DPP10: variants seen among roughly 807,000 people sequenced by gnomAD.
DPP10 encodes dipeptidyl peptidase like 10, also known as inactive dipeptidyl peptidase 10.
In DPP10, 33 loss-of-function variants were observed where a neutral mutation model predicts 120.9. The observed-to-expected ratio is 0.27, with a 90% CI of 0.21 to 0.37. The LOEUF (loss-of-function observed/expected upper bound fraction) is 0.37. DPP10 is among the 10% of genes least tolerant of loss of function. DPP10 has a pLI of 1.00. For synonymous variants in DPP10, 337 were observed against 326.1 expected (o/e 1.03, Z -0.36); for missense variants, 816 against 942.8 (o/e 0.87, Z 1.76).
rs17044182 is a variant in DPP10 at position 115,208,021 on chromosome 2, C to T, written c.61-101218C>T. Among the ~76,000 whole-genome samples, 760 of 152,046 alleles carry T rather than the reference C, an allele frequency of 5.0e-3. 5 individuals are homozygous for T. The highest frequency in any genetic ancestry group is 0.017 in the African/African-American group (685 of 41,492). ...CGATGTACAGATATTAGATAGAGGA[C>T]GATAGCATTTTAGAGCTGGAAAATC... On this transcript the variant is annotated intron_variant, in intron 1 of 25. Coordinates refer to ENST00000410059, the MANE Select transcript of DPP10 (RefSeq NM_020868.6).
At chr2:115,021,572 T>C (rs1703075898) in intron 1 of DPP10, among the ~76,000 whole-genome samples, 1 of 152,092 alleles carries the variant, frequency 6.6e-6, no homozygotes, top group African/African-American at 2.4e-5. Context: ...ACAGCTGAAT[T>C]GTATCAGACT....
At chr2:114,560,157 A>G (rs1333490024) in intron 1 of DPP10, among the ~76,000 whole-genome samples, 2 of 152,186 alleles carry the variant, frequency 1.3e-5, no homozygotes, top group Non-Finnish European at 2.9e-5. Flanking sequence ...TGTCTAATCC[A>G]TATTGTGACT....
intron 1 of DPP10, among the ~76,000 whole-genome samples, chr2:114,930,731 G>A (rs1367731434): frequency 6.6e-6 from 1 of 152,200 alleles, no homozygotes; most frequent in Non-Finnish European, 1.5e-5. Context: ...AGTGGAATCT[G>A]CTTCTGACGA....
chr2:115,542,206 G>A (rs1443904372), intron 5 of DPP10, among the ~76,000 whole-genome samples: 1 of 151,822 alleles, frequency 6.6e-6, no homozygotes, highest in Non-Finnish European at 1.5e-5. Flanking sequence ...TCACCACAAC[G>A]AAAATCTCTT....
chr2:115,522,709 A>G (rs2077888784), intron 4 of DPP10, among the ~76,000 whole-genome samples: 1 of 152,172 alleles, frequency 6.6e-6, no homozygotes, highest in African/African-American at 2.4e-5. Context: ...CTGGACAGGC[A>G]GGCATCATTG....
At chr2:115,499,394 G>A (rs1308116455) in intron 3 of DPP10, 116 bp from the exon 4 acceptor site, 3 of 773,516 alleles carry the variant, frequency 3.9e-6, no homozygotes, top group Non-Finnish European at 6.1e-6. Flanking sequence ...TTGGGTTATT[G>A]AAGGCTAAAA....
At position 115,279,451 on chromosome 2, in the gene DPP10, A is replaced by G. The variant is rs182379097; in HGVS notation, c.61-29788A>G. Among the ~76,000 whole-genome samples the G allele has an allele frequency of 3.9e-5, 6 of 152,054 alleles. No homozygotes were observed. In the East Asian group the frequency reaches 9.7e-4, roughly 25 times the overall value. On this transcript the variant is annotated intron_variant, in intron 1 of 25. Transcript: ENST00000410059. ...GGGGCAGGTCCATGAACTGCTTGTT[A>G]TTGGTCTCTACCCAATAAGAAGCTG...
Position 115,767,091 on chromosome 2 carries a change from C to T in DPP10, c.1114-1206C>T, listed in dbSNP as rs146546857. ...TTGGATGGTCTGACTTTCCTGATCT[C>T]GCTTTATATAGGGTAATAAGGAAAC... On this transcript the variant is annotated intron_variant, in intron 12 of 25. Coordinates refer to ENST00000410059, the MANE Select transcript of DPP10 (RefSeq NM_020868.6). Among the ~76,000 whole-genome samples the T allele has an allele frequency of 5.5e-3, 833 of 152,180 alleles. 5 individuals carry two copies. Among genetic ancestry groups the T allele is most frequent in the Middle Eastern group, 0.014 (4 of 294 alleles).
At chr2:115,377,871 G>A (rs1266462303) in intron 3 of DPP10, among the ~76,000 whole-genome samples, 2 of 152,052 alleles carry the variant, frequency 1.3e-5, no homozygotes, top group African/African-American at 4.8e-5. Flanking sequence ...GCAGATATGT[G>A]GCATTATTTC....
intron 1 of DPP10, among the ~76,000 whole-genome samples, chr2:114,655,621 A>G (rs1407147261): frequency 6.6e-6 from 1 of 151,890 alleles, no homozygotes; most frequent in Non-Finnish European, 1.5e-5. Context: ...GTATTTTTCA[A>G]CCCCAGGTCC....
chr2:115,557,774 C>G (rs763079588), intron 5 of DPP10, among the ~76,000 whole-genome samples: 2 of 152,158 alleles, frequency 1.3e-5, no homozygotes, highest in Non-Finnish European at 2.9e-5. Context: ...AAGGCCTACT[C>G]CTATTTGTCA....
intron 1 of DPP10, among the ~76,000 whole-genome samples, chr2:115,085,461 A>AC (rs1708613824): frequency 1.3e-5 from 2 of 152,346 alleles, no homozygotes; most frequent in Non-Finnish European, 2.9e-5. Flanking sequence ...ATTTCTACCC[A>AC]GTTGTTCCCA....
intron 1 of DPP10, among the ~76,000 whole-genome samples, chr2:115,139,576 A>G (rs539014873): frequency 6.6e-6 from 1 of 152,070 alleles, no homozygotes. Context: ...CTGAGTATCA[A>G]TGGTTACATA....
chr2:114,886,762 T>G (rs754442119), intron 1 of DPP10, among the ~76,000 whole-genome samples: 7 of 152,226 alleles, frequency 4.6e-5, no homozygotes, highest in Non-Finnish European at 8.8e-5. Context: ...TTCTTTCTTG[T>G]GCAATGCCTA....
At chr2:114,465,961 T>G (rs955314248) in intron 1 of DPP10, among the ~76,000 whole-genome samples, 8 of 152,216 alleles carry the variant, frequency 5.3e-5, no homozygotes, top group African/African-American at 1.9e-4. Context: ...AGCTGTGCGT[T>G]GTGTTGTTAA....
intron 3 of DPP10, among the ~76,000 whole-genome samples, chr2:115,421,015 A>T (rs116964094): frequency 1.3e-5 from 2 of 152,182 alleles, no homozygotes; most frequent in East Asian, 3.9e-4. Context: ...ATTGGAAGCA[A>T]TGCAAACACA....
intron 1 of DPP10, among the ~76,000 whole-genome samples, chr2:114,495,698 A>G (rs920236772): frequency 6.6e-6 from 1 of 152,186 alleles, no homozygotes; most frequent in Non-Finnish European, 1.5e-5. Context: ...GTGATAGGCC[A>G]TTTAAAGATA....
intron 1 of DPP10, among the ~76,000 whole-genome samples, chr2:114,549,683 A>G (rs1256272690): frequency 3.1e-4 from 25 of 79,672 alleles, no homozygotes; most frequent in Non-Finnish European, 7.3e-4. Context: ...AAAAAAAAAA[A>G]AAGAGAGAGA....
chr2:115,117,257 T>TA (rs2049564098), intron 1 of DPP10, among the ~76,000 whole-genome samples: 1 of 152,208 alleles, frequency 6.6e-6, no homozygotes, highest in Non-Finnish European at 1.5e-5. Context: ...TATGTGGTTT[T>TA]ATCATTAAAA....
Sources: gnomAD v4.1 joint callset for allele counts (sites outside exome capture counted in the v4.1 genomes callset) on GRCh38, gnomAD v4.1.1 for gene constraint, MANE v1.5 for transcripts, NCBI Gene and HGNC (gene_info 2026-07-23, HGNC 2026-07-21) for gene names.